The following TFAP2B variants were observed in gnomAD, a reference collection of about 807,000 sequenced individuals.
TFAP2B encodes the protein transcription factor AP-2 beta.
Under a neutral mutation model 44.3 loss-of-function variants are expected in TFAP2B, and 9 were observed. That is an observed-to-expected ratio of 0.20 (90% CI 0.12 to 0.35). The LOEUF is 0.35. TFAP2B is among the 10% of genes least tolerant of loss of function. The probability of loss-of-function intolerance (pLI) is 1.00; values close to 1 mark genes in which losing one functional copy is unlikely to be tolerated. For missense variants in TFAP2B, 509 were observed against 600.0 expected (o/e 0.85, Z 1.59); for synonymous variants, 270 against 263.8 (o/e 1.02, Z -0.23).
intron 2 of TFAP2B, 147 bp from the exon 3 acceptor site, chr6:50,828,472 A>G: frequency 1.5e-6 from 1 of 688,082 alleles, no homozygotes; most frequent in Non-Finnish European, 2.4e-6. Context: ...TTCTATGTCT[A>G]TTTGGAGGTA....
intron 3 of TFAP2B, among the ~76,000 whole-genome samples, chr6:50,832,015 T>C (rs961672832): frequency 5.3e-5 from 8 of 152,192 alleles, no homozygotes; most frequent in African/African-American, 1.9e-4. Flanking sequence ...TTTTCTTTCA[T>C]GGGAAATAAA....
chr6:50,824,179 A>G lies in TFAP2B; in HGVS notation c.540+314A>G, dbSNP rs145705059. 5.3e-4 allele frequency among the ~76,000 whole-genome samples: 80 copies of G among 152,352 alleles called. No homozygotes were observed. In the East Asian group the frequency reaches 0.014, roughly 26 times the overall value. On this transcript the variant is annotated intron_variant, in intron 2 of 6. Coordinates refer to ENST00000393655, the MANE Select transcript of TFAP2B (RefSeq NM_003221.4). ...CGAATGCTTTTGTCCTGCCTCAGCT[A>G]CCATCTCCTGCATATTCTCTAGTGC... is the stretch of plus-strand genomic sequence containing the variant.
rs2113949853 is a variant in TFAP2B, at chr6:50,836,179, C to G, written c.720C>G (p.Leu240=). ...FCSVPGRLSL[L]SSTSKYKVTV... ...CCGTCCCAGGCCGTTTGTCTCTGCT[C>G]AGTTCAACTTCGAAGTACAAAGTAA... Residue 240 remains leucine (L), a synonymous_variant, in exon 4 of 7, where the codon CTC becomes CTG. Coordinates refer to ENST00000393655, the MANE Select transcript of TFAP2B (RefSeq NM_003221.4). 8 of 1,614,070 alleles carry G rather than the reference C, an allele frequency of 5.0e-6. No homozygotes were observed. Among genetic ancestry groups the G allele is most frequent in the Non-Finnish European group, 6.8e-6 (8 of 1,180,032 alleles).
chr6:50,836,201 G>C lies in TFAP2B; in HGVS notation c.742G>C (p.Val248Leu), dbSNP rs776905505. Reference sequence around the variant, plus strand: ...GCTCAGTTCAACTTCGAAGTACAAAGTAACTGTGGGAGAAGTTCAGAGACG... The same window carrying C: ...GCTCAGTTCAACTTCGAAGTACAAACTAACTGTGGGAGAAGTTCAGAGACG... ...SLLSSTSKYK[V>L]TVGEVQRRLS... Residue 248 changes from valine (V) to leucine (L), a missense_variant, in exon 4 of 7, where the codon GTA becomes CTA. Around this residue, in one of 3 missense-constraint regions of TFAP2B, gnomAD observed 45 missense variants for 108.6 expected, o/e 0.41. Transcript: ENST00000393655. The C allele has an allele frequency of 6.2e-7, 1 of 1,613,640 alleles. No homozygotes were observed. The highest frequency in any genetic ancestry group is 8.5e-7 in the Non-Finnish European group (1 of 1,180,034).
intron 3 of TFAP2B, among the ~76,000 whole-genome samples, chr6:50,831,473 T>C (rs1006330569): frequency 6.6e-6 from 1 of 152,058 alleles, no homozygotes; most frequent in African/African-American, 2.4e-5. Flanking sequence ...GGGGGAGTAA[T>C]GAAAGGTGCT....
rs997935067 is a variant in TFAP2B, at chr6:50,845,457, A to G, written c.*2065A>G. ...GGGCCCAAGCAACTGTTAGGGCCACACTGCAGCCCATCTCCAACCCCTAGC... is the reference window on the plus strand; with the variant it reads ...GGGCCCAAGCAACTGTTAGGGCCACGCTGCAGCCCATCTCCAACCCCTAGC... On this transcript the variant is annotated 3_prime_UTR_variant, in exon 7 of 7. Transcript: ENST00000393655. The G allele has an allele frequency of 2.6e-5, 4 of 152,322 alleles. No individual in the cohort carries two copies. The highest frequency in any genetic ancestry group is 2.6e-4 in the Admixed American group (4 of 15,286). 9.4% of individuals were successfully genotyped at this position (152,322 alleles called of 1,614,324 possible).
chr6:50,830,342 G>T, intron 3 of TFAP2B: 1 of 979,924 alleles, frequency 1.0e-6, no homozygotes, highest in Non-Finnish European at 1.2e-6. Flanking sequence ...TAGCAAAACA[G>T]AGCTGAAGAT....
At chr6:50,836,851 A>T (rs767701509) in intron 4 of TFAP2B, among the ~76,000 whole-genome samples, 35 of 152,282 alleles carry the variant, frequency 2.3e-4, no homozygotes, top group Admixed American at 6.5e-4. Context: ...TTTCAATAAC[A>T]CCACCACCAA....
chr6:50,823,937 C>A, intron 2 of TFAP2B, 72 bp downstream of exon 2: 1 of 1,451,590 alleles, frequency 6.9e-7, no homozygotes, highest in Non-Finnish European at 9.3e-7. Flanking sequence ...GGGGGGAGGT[C>A]AGGAGAGGGC....
At chr6:50,823,350 T>C (rs983524364) in intron 1 of TFAP2B, 57 bp from the exon 2 acceptor site, 6 of 1,425,914 alleles carry the variant, frequency 4.2e-6, no homozygotes, top group Non-Finnish European at 5.8e-6. Context: ...TCTGCCTCTA[T>C]CTCTCTTTCT....
chr6:50,840,135 C>T (rs775798941), intron 5 of TFAP2B, 21 bp from the exon 6 acceptor site: 1 of 1,613,836 alleles, frequency 6.2e-7, no homozygotes, highest in South Asian at 1.1e-5. Flanking sequence ...TGATTATTAC[C>T]TTTACTGCTG....
At chr6:50,839,226 G>C (rs1303628939) in intron 5 of TFAP2B, among the ~76,000 whole-genome samples, 1 of 152,166 alleles carries the variant, frequency 6.6e-6, no homozygotes, top group Non-Finnish European at 1.5e-5. Flanking sequence ...CAGGGGAGAA[G>C]GGAGGAAACT....
intron 3 of TFAP2B, among the ~76,000 whole-genome samples, chr6:50,831,553 A>C (rs1333863671): frequency 3.3e-5 from 5 of 152,190 alleles, no homozygotes; most frequent in Non-Finnish European, 7.4e-5. Context: ...GTCAATGAGC[A>C]ATCAATAAAG....
chr6:50,845,432 G>C lies in TFAP2B; in HGVS notation c.*2040G>C, dbSNP rs1762826412. ...GGAAGCTCGTCTCAGGTCACCAAAA[G>C]GGCCCAAGCAACTGTTAGGGCCACA... On this transcript the variant is annotated 3_prime_UTR_variant, in exon 7 of 7. Transcript: ENST00000393655. 6.6e-6 allele frequency: 1 copy of C among 152,214 alleles called. No homozygotes were observed. The highest frequency in any genetic ancestry group is 1.5e-5 in the Non-Finnish European group (1 of 68,088). 9.4% of individuals were successfully genotyped at this position (152,214 alleles called of 1,614,324 possible).
Position 50,843,507 on chromosome 6 carries a change from A to G in TFAP2B, c.*115A>G. ...CTTTGGAAGAATTATATTAGGTAGA[A>G]TACACATACAATCAAAATTTTAAAA... On this transcript the variant is annotated 3_prime_UTR_variant, in exon 7 of 7. Coordinates refer to ENST00000393655, the MANE Select transcript of TFAP2B (RefSeq NM_003221.4). 1 of 1,085,248 alleles carries G rather than the reference A, an allele frequency of 9.2e-7. No homozygotes were observed. Among genetic ancestry groups the G allele is most frequent in the South Asian group, 1.6e-5 (1 of 60,874 alleles). The allele number at this position is 1,085,248 out of a possible 1,614,324, so 67.2% of individuals were successfully genotyped here. A position where few individuals can be genotyped will look rare whatever the true frequency, so the allele number is the denominator to read the frequency against.
At chr6:50,834,079 T>C (rs909949144) in intron 3 of TFAP2B, among the ~76,000 whole-genome samples, 2 of 152,224 alleles carry the variant, frequency 1.3e-5, no homozygotes. Context: ...TTTAATGCCT[T>C]CACTATGAGT....
chr6:50,838,508 T>G (rs1762666148), intron 5 of TFAP2B, among the ~76,000 whole-genome samples: 1 of 152,176 alleles, frequency 6.6e-6, no homozygotes, highest in Non-Finnish European at 1.5e-5. Context: ...TAATGGTTAT[T>G]TTAAAACTTT....
intron 2 of TFAP2B, 30 bp downstream of exon 2, chr6:50,823,895 A>T: frequency 6.5e-7 from 1 of 1,532,608 alleles, no homozygotes; most frequent in Non-Finnish European, 8.8e-7. Context: ...CAAACAAACA[A>T]AAAAGACCAC....
chr6:50,843,550 TA>T lies in TFAP2B; in HGVS notation c.*167del, dbSNP rs375026920. The T allele has an allele frequency of 3.9e-5, 32 of 819,238 alleles. No homozygotes were observed. Among genetic ancestry groups the T allele is most frequent in the African/African-American group, 5.3e-5 (3 of 56,776 alleles). 50.7% of individuals were successfully genotyped at this position (819,238 alleles called of 1,614,324 possible). The stretch of plus-strand genomic sequence containing the variant: ...TTTTAAAAAAAAAAGCTAAATAACT[TA>T]AAAAAAAACTGAGGCGTACAACGGA... On this transcript the variant is annotated 3_prime_UTR_variant, in exon 7 of 7. Transcript: ENST00000393655.
Sources: allele counts gnomAD v4.1 joint callset (sites outside exome capture counted in the v4.1 genomes callset), GRCh38; gene constraint gnomAD v4.1.1; regional missense constraint gnomAD v4.1.1; transcripts MANE v1.5; gene names NCBI Gene and HGNC (gene_info 2026-07-23, HGNC 2026-07-21).